The following LRTM3 variants were observed in gnomAD, a reference collection of about 807,000 sequenced individuals.
The protein encoded by LRTM3 is leucine-rich repeat transmembrane protein 3.
At chr13:102,741,234 C>A in the LRTM3 span, 1 of 1,550,284 alleles carries the variant, frequency 6.5e-7, no homozygotes, top group South Asian at 1.2e-5. Context: ...TTTGATTGCT[C>A]TTTTCCCCAA....
At chr13:102,738,455 C>T in the LRTM3 span, 11 of 1,550,734 alleles carry the variant, frequency 7.1e-6, no homozygotes, top group Non-Finnish European at 9.6e-6. Context: ...CAGAAGCACA[C>T]TTGGTTCACC....
the LRTM3 span, chr13:102,739,708 A>T: frequency 6.5e-7 from 1 of 1,549,892 alleles, no homozygotes; most frequent in East Asian, 2.4e-5. Context: ...TTACTCTATC[A>T]TTCTTTCCCT....
chr13:102,736,266 C>T, the LRTM3 span: 1 of 1,550,952 alleles, frequency 6.4e-7, no homozygotes, highest in Non-Finnish European at 8.7e-7. Context: ...TGCTTCTGTC[C>T]TGCTCTCTCT....
At chr13:102,755,938 T>TGTGTG in the LRTM3 span, among the ~76,000 whole-genome samples, 1 of 34,774 alleles carries the variant, frequency 2.9e-5, no homozygotes, top group African/African-American at 7.7e-5. Context: ...TGTGTATATA[T>TGTGTG]ATACATATAT....
At chr13:102,734,775 A>G in the LRTM3 span, 1 of 1,551,172 alleles carries the variant, frequency 6.4e-7, no homozygotes. Flanking sequence ...AGAGATGGCA[A>G]TGAAGTAGAT....
At chr13:102,737,742 G>A in the LRTM3 span, 11 of 1,550,404 alleles carry the variant, frequency 7.1e-6, no homozygotes, top group South Asian at 4.8e-5. Context: ...CCCTCACTGG[G>A]CACCCCATTT....
the LRTM3 span, chr13:102,731,275 A>T: frequency 6.4e-7 from 1 of 1,551,378 alleles, no homozygotes; most frequent in South Asian, 1.2e-5. Flanking sequence ...CTATGGTATC[A>T]GTCCCTTCTA....
the LRTM3 span, chr13:102,745,697 C>T: frequency 6.4e-7 from 1 of 1,551,110 alleles, no homozygotes; most frequent in South Asian, 1.2e-5. Flanking sequence ...TTCAGTACCA[C>T]CAGCCTGTTC....
the LRTM3 span, chr13:102,742,452 C>A: frequency 9.0e-6 from 14 of 1,548,368 alleles, 1 homozygote; most frequent in South Asian, 1.7e-4. Flanking sequence ...TTGGGATCTG[C>A]CCTTGTTTTC....
At chr13:102,734,255 C>T in the LRTM3 span, 1 of 1,551,376 alleles carries the variant, frequency 6.4e-7, no homozygotes, top group East Asian at 2.4e-5. Flanking sequence ...TCTTACATCA[C>T]CACTCCTTGC....
chr13:102,757,460 C>T, the LRTM3 span, among the ~76,000 whole-genome samples: 2 of 152,216 alleles, frequency 1.3e-5, no homozygotes, highest in Admixed American at 1.3e-4. Flanking sequence ...CAGGTCTTAA[C>T]ATGGTATAGA....
chr13:102,755,359 G>A, the LRTM3 span, among the ~76,000 whole-genome samples: 141 of 152,112 alleles, frequency 9.3e-4, no homozygotes, highest in African/African-American at 3.2e-3. Context: ...TTATTAAGAT[G>A]CTGTCCCACT....
At chr13:102,739,635 G>A in the LRTM3 span, 2 of 1,550,478 alleles carry the variant, frequency 1.3e-6, no homozygotes, top group Non-Finnish European at 1.7e-6. Context: ...ATATGTGACA[G>A]TGATGACTTC....
chr13:102,745,871 G>T, the LRTM3 span: 3 of 1,550,974 alleles, frequency 1.9e-6, no homozygotes, highest in Middle Eastern at 1.7e-4. Flanking sequence ...CTTCAAAATA[G>T]TTTGTGTAAA....
the LRTM3 span, chr13:102,729,481 C>T: frequency 3.1e-5 from 45 of 1,459,758 alleles, no homozygotes; most frequent in South Asian, 2.3e-4. Context: ...TAAGGGACCC[C>T]GAGAGCGACC....
chr13:102,743,095 GT>G, the LRTM3 span: 1 of 1,550,236 alleles, frequency 6.5e-7, no homozygotes, highest in Non-Finnish European at 8.7e-7. Flanking sequence ...TAAGATATGT[GT>G]TTGCCATGAA....
the LRTM3 span, chr13:102,758,384 A>G: frequency 1.4e-6 from 2 of 1,477,354 alleles, no homozygotes; most frequent in South Asian, 1.3e-5. Context: ...TTTAGCTTCA[A>G]AATATTTTTG....
At chr13:102,740,076 G>A in the LRTM3 span, 4 of 1,549,964 alleles carry the variant, frequency 2.6e-6, no homozygotes, top group South Asian at 2.4e-5. Context: ...GAAAGAGAAT[G>A]TAATGTTATA....
chr13:102,758,860 A>C, the LRTM3 span: 1 of 1,550,316 alleles, frequency 6.5e-7, no homozygotes, highest in African/African-American at 1.4e-5. Context: ...AGAAAGTCCC[A>C]TAATGTCATG....
Sources: allele counts gnomAD v4.1 joint callset (sites outside exome capture counted in the v4.1 genomes callset), GRCh38; gene constraint gnomAD v4.1.1; transcripts MANE v1.5; gene names NCBI Gene and HGNC (gene_info 2026-07-23, HGNC 2026-07-21).